Variants in TOX observed in about 807,000 individuals in gnomAD.
TOX encodes the protein thymocyte selection associated high mobility group box.
Under a neutral mutation model 53.7 loss-of-function variants are expected in TOX, and 11 were observed. That is an observed-to-expected ratio of 0.20 (90% CI 0.13 to 0.34). The LOEUF is 0.34. Ranked by LOEUF, TOX falls within the 10% of genes least tolerant of loss-of-function variation. The pLI, the probability that TOX is intolerant of heterozygous loss-of-function variation, is 1.00. For missense variants in TOX, 570 were observed against 664.6 expected (o/e 0.86, Z 1.56); for synonymous variants, 225 against 245.3 (o/e 0.92, Z 0.77).
intron 1 of TOX, among the ~76,000 whole-genome samples, chr8:58,963,172 T>C (rs1812830282): frequency 6.6e-6 from 1 of 152,144 alleles, no homozygotes; most frequent in South Asian, 2.1e-4. Flanking sequence ...CAGCTTTCGG[T>C]CTGGAACTAC....
intron 1 of TOX, among the ~76,000 whole-genome samples, chr8:58,996,192 T>C (rs1813558673): frequency 6.6e-6 from 1 of 152,210 alleles, no homozygotes; most frequent in South Asian, 2.1e-4. Flanking sequence ...GTTCAAACTT[T>C]CTATACATGT....
At chr8:59,046,580 G>A (rs1169827094) in intron 1 of TOX, among the ~76,000 whole-genome samples, 8 of 152,250 alleles carry the variant, frequency 5.3e-5, no homozygotes, top group East Asian at 1.9e-4. Flanking sequence ...ACTCTAGGCC[G>A]GGGGTGGTGG....
chr8:59,056,369 T>C (rs577104632), intron 1 of TOX, among the ~76,000 whole-genome samples: 16 of 140,706 alleles, frequency 1.1e-4, no homozygotes, highest in African/African-American at 4.1e-4. Context: ...GAGGAAGGGG[T>C]TGCAGTGAGC....
intron 1 of TOX, among the ~76,000 whole-genome samples, chr8:58,981,372 G>C (rs997813008): frequency 6.6e-6 from 1 of 152,042 alleles, no homozygotes; most frequent in Non-Finnish European, 1.5e-5. Context: ...TTTTCTACAA[G>C]CCTCTTTATT....
chr8:59,075,619 AC>A (rs1804279020), intron 1 of TOX, among the ~76,000 whole-genome samples: 1 of 152,082 alleles, frequency 6.6e-6, no homozygotes, highest in South Asian at 2.1e-4. Flanking sequence ...CCACTTGAGA[AC>A]CTAGAAGAGC....
At chr8:59,017,132 GCTTATCTAA>G (rs1814027886) in intron 1 of TOX, among the ~76,000 whole-genome samples, 1 of 152,222 alleles carries the variant, frequency 6.6e-6, no homozygotes, top group African/African-American at 2.4e-5. Flanking sequence ...ACATCGTCTA[GCTTATCTAA>G]ACAATTCTAA....
intron 3 of TOX, among the ~76,000 whole-genome samples, chr8:58,865,032 T>C (rs1280734136): frequency 2.0e-5 from 3 of 152,154 alleles, no homozygotes; most frequent in African/African-American, 4.8e-5. Flanking sequence ...CAGTTTTAGA[T>C]GAAGACAACT....
chr8:58,966,598 C>T (rs373228675), intron 1 of TOX, among the ~76,000 whole-genome samples: 1 of 152,164 alleles, frequency 6.6e-6, no homozygotes, highest in East Asian at 1.9e-4. Flanking sequence ...CACTTTGGGG[C>T]TGAGTTTGTA....
At chr8:59,091,037 A>C (rs1430629381) in intron 1 of TOX, among the ~76,000 whole-genome samples, 1 of 151,868 alleles carries the variant, frequency 6.6e-6, no homozygotes, top group African/African-American at 2.4e-5. Flanking sequence ...CTCACATATA[A>C]ATATACCGAA....
At chr8:58,976,197 A>G (rs1813097242) in intron 1 of TOX, among the ~76,000 whole-genome samples, 1 of 152,246 alleles carries the variant, frequency 6.6e-6, no homozygotes, top group East Asian at 1.9e-4. Flanking sequence ...GGAGTCAATT[A>G]TCTCAAATCC....
At chr8:58,991,685 T>C (rs1461098877) in intron 1 of TOX, 2 of 152,208 alleles carry the variant, frequency 1.3e-5, no homozygotes, top group Non-Finnish European at 2.9e-5. Flanking sequence ...ACTTGTGACT[T>C]TAAAAATGGT....
At position 58,937,570 on chromosome 8, in the gene TOX, T is replaced by C. The variant is rs118069819; in HGVS notation, c.411+1732A>G. ...CACAGTTACTGACATTGCATAAGCA[T>C]TTGTTTAAGAGTGACGTCTCTTAAA... On this transcript the variant is annotated intron_variant, in intron 3 of 8. Transcript: ENST00000361421. Among the ~76,000 whole-genome samples, 873 of 152,320 alleles carry C rather than the reference T, an allele frequency of 5.7e-3. 7 individuals carry two copies. The highest frequency in any genetic ancestry group is 0.01 in the Non-Finnish European group (685 of 68,026).
intron 2 of TOX, among the ~76,000 whole-genome samples, chr8:58,940,765 G>A (rs376748161): frequency 4.6e-5 from 7 of 152,298 alleles, no homozygotes; most frequent in Admixed American, 6.5e-5. Flanking sequence ...GCCAATAAGC[G>A]TCATGCTCCT....
intron 1 of TOX, among the ~76,000 whole-genome samples, chr8:59,096,805 T>C (rs1287157412): frequency 6.6e-6 from 1 of 151,984 alleles, no homozygotes; most frequent in East Asian, 1.9e-4. Context: ...CCTCCCATCA[T>C]CTCTTTCTGT....
At chr8:59,110,116 A>G (rs1358338923) in intron 1 of TOX, among the ~76,000 whole-genome samples, 1 of 152,154 alleles carries the variant, frequency 6.6e-6, no homozygotes, top group African/African-American at 2.4e-5. Flanking sequence ...AGCCTTAGTA[A>G]CTGAACATAG....
chr8:59,017,389 A>G (rs1229144629), intron 1 of TOX, among the ~76,000 whole-genome samples: 2 of 152,152 alleles, frequency 1.3e-5, no homozygotes, highest in African/African-American at 2.4e-5. Flanking sequence ...GCTCTCTACA[A>G]TATCCTTCAA....
chr8:58,993,588 A>C (rs1813496812), intron 1 of TOX, among the ~76,000 whole-genome samples: 1 of 152,218 alleles, frequency 6.6e-6, no homozygotes, highest in South Asian at 2.1e-4. Flanking sequence ...CTTCTAAGAG[A>C]AAATGAAAAC....
chr8:58,896,099 T>C (rs1308449198), intron 3 of TOX, among the ~76,000 whole-genome samples: 1 of 152,198 alleles, frequency 6.6e-6, no homozygotes, highest in Admixed American at 6.5e-5. Flanking sequence ...CACATAACTT[T>C]GATTCACCAA....
intron 3 of TOX, among the ~76,000 whole-genome samples, chr8:58,900,422 T>C (rs1274340587): frequency 6.6e-6 from 1 of 152,124 alleles, no homozygotes; most frequent in Non-Finnish European, 1.5e-5. Flanking sequence ...TATATAATAA[T>C]ATCGAAGTGT....
Sources: gnomAD v4.1 joint callset for allele counts (sites outside exome capture counted in the v4.1 genomes callset) on GRCh38, gnomAD v4.1.1 for gene constraint, MANE v1.5 for transcripts, NCBI Gene and HGNC (gene_info 2026-07-23, HGNC 2026-07-21) for gene names.